Variants in MYH10 observed in about 807,000 individuals in gnomAD.
The protein encoded by MYH10 is myosin-10.
A neutral mutation model predicts 257.8 loss-of-function variants in MYH10; 55 were observed. The observed-to-expected ratio is 0.21, with a 90% CI of 0.17 to 0.27. The LOEUF (loss-of-function observed/expected upper bound fraction) is 0.27, where lower values mean the gene tolerates loss of function less well. Among genes scored for constraint, MYH10 ranks in the 10% least tolerant of loss-of-function variants. MYH10 has a pLI of 1.00. For synonymous variants in MYH10, 854 were observed against 921.7 expected, an observed-to-expected ratio of 0.93 and a Z score of 1.33; for missense variants, 1,631 against 2,500.6, an observed-to-expected ratio of 0.65 and a Z score of 7.42.
At position 8,549,784 on chromosome 17, in the gene MYH10, G is replaced by A. The variant is rs963238303; in HGVS notation, c.920-997C>T. On this transcript the variant is annotated intron_variant, in intron 9 of 42. Coordinates refer to ENST00000360416, the MANE Select transcript of MYH10 (RefSeq NM_001256012.3). ...GACTGTGCTGCTGCCATCTCGGCTC[G>A]CTGCAGCCTCCCTGCCTGATTCTCC... 1.1e-4 allele frequency among the ~76,000 whole-genome samples: 17 copies of A among 151,776 alleles called. No individual in the cohort carries two copies. The East Asian group carries it at 2.1e-3, about 19-fold the overall frequency.
At chr17:8,594,906 A>G (rs578214816) in intron 3 of MYH10, among the ~76,000 whole-genome samples, 1 of 152,350 alleles carries the variant, frequency 6.6e-6, no homozygotes, top group South Asian at 2.1e-4. Flanking sequence ...TACAGGCGCA[A>G]CCATCCATTA....
At chr17:8,480,075 G>A (rs1211470476) in intron 40 of MYH10, 35 bp downstream of exon 40, 6 of 1,606,492 alleles carry the variant, frequency 3.7e-6, no homozygotes, top group Non-Finnish European at 5.1e-6. Context: ...AGCCTAGTTG[G>A]TAAGTTTTGG....
chr17:8,478,329 C>G lies in MYH10; in HGVS notation c.5706+9G>C. The stretch of plus-strand genomic sequence containing the variant: ...CACGCGCTTCCCAGGGAGGCACTTC[C>G]TCGCGTACCTGCTCTTTATACTGGT... On this transcript the variant is annotated intron_variant, in intron 41 of 42. Transcript: ENST00000360416. The G allele has an allele frequency of 1.9e-6, 3 of 1,612,916 alleles. No homozygotes were observed. Among genetic ancestry groups the G allele is most frequent in the South Asian group, 2.2e-5 (2 of 91,028 alleles).
intron 7 of MYH10, among the ~76,000 whole-genome samples, chr17:8,564,554 G>A (rs1276810795): frequency 1.3e-5 from 2 of 152,118 alleles, no homozygotes; most frequent in Non-Finnish European, 2.9e-5. Context: ...ATGACATGCC[G>A]TTGAAAACAT....
chr17:8,538,995 G>C (rs2082220851), intron 14 of MYH10, among the ~76,000 whole-genome samples: 2 of 152,132 alleles, frequency 1.3e-5, no homozygotes, highest in Non-Finnish European at 2.9e-5. Context: ...TGTTGAGGAG[G>C]TGGGTTAGTT....
chr17:8,568,184 C>T (rs115128214), intron 7 of MYH10, among the ~76,000 whole-genome samples: 172 of 152,278 alleles, frequency 1.1e-3, no homozygotes, highest in African/African-American at 3.9e-3. Context: ...TCAAGTGGCA[C>T]GCAGCCGAAC....
intron 1 of MYH10, among the ~76,000 whole-genome samples, chr17:8,628,599 A>G (rs1183760093): frequency 1.3e-5 from 2 of 152,188 alleles, no homozygotes; most frequent in Admixed American, 1.3e-4. Context: ...GGGCTGGACG[A>G]GTCTGCTAAT....
intron 3 of MYH10, among the ~76,000 whole-genome samples, chr17:8,602,986 T>C (rs1240636375): frequency 1.3e-5 from 2 of 152,236 alleles, no homozygotes; most frequent in Non-Finnish European, 2.9e-5. Flanking sequence ...CCTCATATCT[T>C]CCTCATTCTG....
At chr17:8,612,510 G>A (rs1439493610) in intron 2 of MYH10, among the ~76,000 whole-genome samples, 1 of 152,152 alleles carries the variant, frequency 6.6e-6, no homozygotes, top group Non-Finnish European at 1.5e-5. Flanking sequence ...TATTTTAATA[G>A]TTATTGTTGT....
chr17:8,494,005 G>A (rs1916178853), intron 31 of MYH10, 120 bp from the exon 32 acceptor site: 1 of 1,074,228 alleles, frequency 9.3e-7, no homozygotes, highest in Non-Finnish European at 1.3e-6. Context: ...AACGCCCAGT[G>A]ACATTAACAA....
rs1652594204 is a variant in MYH10, at chr17:8,552,131, C to T, written c.834G>A (p.Lys278=). ...CTTTTGCTTGACGAACAGCACGAGA[C>T]TTTTCCAGAAGGTCTGAGCAAAGAC... is the stretch of plus-strand genomic sequence containing the variant. ...GANIETYLLE[K]SRAVRQAKDE... The change falls in exon 9 of 43, where the codon AAG becomes AAA. Residue 278 remains lysine (K), a synonymous_variant. Coordinates refer to ENST00000360416, the MANE Select transcript of MYH10 (RefSeq NM_001256012.3). The surrounding 1 kb of genome is among the most constrained non-coding windows in gnomAD (Gnocchi z 4.8). The T allele has an allele frequency of 6.4e-7, 1 of 1,556,478 alleles. No homozygotes were observed. The highest frequency in any genetic ancestry group is 1.4e-5 in the African/African-American group (1 of 73,862).
chr17:8,513,466 C>A, intron 23 of MYH10, 72 bp downstream of exon 23: 1 of 1,579,876 alleles, frequency 6.3e-7, no homozygotes, highest in South Asian at 1.2e-5. Context: ...TGAAATGTGT[C>A]GGGGTTGCTA....
At chr17:8,588,043 C>T (rs1219469656) in intron 4 of MYH10, among the ~76,000 whole-genome samples, 2 of 152,024 alleles carry the variant, frequency 1.3e-5, no homozygotes, top group Non-Finnish European at 2.9e-5. Context: ...ATGCCTCTCT[C>T]CCCTTGACTG....
intron 2 of MYH10, 39 bp downstream of exon 2, chr17:8,622,863 A>C (rs757975422): frequency 5.0e-6 from 8 of 1,592,680 alleles, no homozygotes; most frequent in South Asian, 1.1e-5. Flanking sequence ...ATTAATTCCT[A>C]GCTACCACTT....
At position 8,545,225 on chromosome 17, in the gene MYH10, G is replaced by A. The variant is rs1034192789; in HGVS notation, c.1431+223C>T. Among the ~76,000 whole-genome samples, 2 of 152,192 alleles carry A rather than the reference G, an allele frequency of 1.3e-5. No homozygotes were observed. Among genetic ancestry groups the A allele is most frequent in the Admixed American group, 6.5e-5 (1 of 15,274 alleles). ...ATGCAGAAGCAACCTTCCCTGAACAGCTATCTCAAGCTGGCCTCCCAGTTC... is the reference window on the plus strand; with the variant it reads ...ATGCAGAAGCAACCTTCCCTGAACAACTATCTCAAGCTGGCCTCCCAGTTC... On this transcript the variant is annotated intron_variant, in intron 13 of 42. Transcript: ENST00000360416. This position sits in a 1 kb window ranked among gnomAD's most constrained non-coding sequence, Gnocchi z 4.7.
rs1223405957 is a variant in MYH10, at chr17:8,599,119, A to AAC, written c.502+5705_502+5706dup. 3.3e-5 allele frequency among the ~76,000 whole-genome samples: 5 copies of AAC among 152,332 alleles called. No homozygotes were observed. In the East Asian group the frequency reaches 7.7e-4, roughly 24 times the overall value. ...CATACTCATTAAACACACTCCCACAAACACTAACCCATTTGGAAATCTTTT... is the reference window on the plus strand; with the variant it reads ...CATACTCATTAAACACACTCCCACAAACACACTAACCCATTTGGAAATCTTTT... On this transcript the variant is annotated intron_variant, in intron 3 of 42. Coordinates refer to ENST00000360416, the MANE Select transcript of MYH10 (RefSeq NM_001256012.3).
chr17:8,593,758 A>C (rs1463100941), intron 3 of MYH10, among the ~76,000 whole-genome samples: 2 of 152,158 alleles, frequency 1.3e-5, no homozygotes, highest in Non-Finnish European at 2.9e-5. Flanking sequence ...ATTCGGCCTC[A>C]ACTGATCTAT....
chr17:8,510,070 GCT>G (rs953790396), intron 24 of MYH10, 121 bp from the exon 25 acceptor site: 2 of 986,826 alleles, frequency 2.0e-6, no homozygotes, highest in African/African-American at 3.7e-5. Context: ...ACGGAGTCTC[GCT>G]CTGTTGCCCA....
intron 17 of MYH10, among the ~76,000 whole-genome samples, chr17:8,522,954 T>G (rs2151907085): frequency 6.6e-6 from 1 of 152,338 alleles, no homozygotes; most frequent in East Asian, 1.9e-4. Context: ...TGTACCCTAC[T>G]TCCCCCTCAC....
Sources: gnomAD v4.1 joint callset for allele counts (sites outside exome capture counted in the v4.1 genomes callset) on GRCh38, gnomAD v4.1.1 for gene constraint, Gnocchi (gnomAD v3.1) non-coding constraint, MANE v1.5 for transcripts, NCBI Gene and HGNC (gene_info 2026-07-23, HGNC 2026-07-21) for gene names.